Variants in ST18 observed in about 807,000 individuals in gnomAD.
The protein encoded by ST18 is ST18 C2H2C-type zinc finger transcription factor.
Under a neutral mutation model 110.0 loss-of-function variants are expected in ST18, and 50 were observed. That is an observed-to-expected ratio of 0.45 (90% CI 0.36 to 0.58). The LOEUF is 0.58. Ranked by LOEUF, ST18 falls within the 20% of genes least tolerant of loss-of-function variation. ST18 has a pLI of 0.00. For synonymous variants in ST18, 461 were observed against 452.4 expected, an observed-to-expected ratio of 1.02 and a Z score of -0.24; for missense variants, 1,306 against 1,280.1, an observed-to-expected ratio of 1.02 and a Z score of -0.31.
rs779696915 is a variant in ST18 at position 52,166,934 on chromosome 8, A to G, written c.1122T>C (p.Asp374=). ...AGAGCCCTGTCACGTGTCCCGTGCC[A>G]TCACATCCAGGGATCGGGCACTTGG... ...RETKCPIPGC[D]GTGHVTGLYP... The change falls in exon 11 of 26, where the codon GAT becomes GAC. Residue 374 remains aspartate (D), a synonymous_variant. Coordinates refer to ENST00000689386, the MANE Select transcript of ST18 (RefSeq NM_001352837.2). The G allele has an allele frequency of 6.2e-7, 1 of 1,612,684 alleles. No individual in the cohort carries two copies. The highest frequency in any genetic ancestry group is 8.5e-7 in the Non-Finnish European group (1 of 1,178,866).
intron 2 of ST18, among the ~76,000 whole-genome samples, chr8:52,381,919 A>G (rs1834653516): frequency 6.6e-6 from 1 of 151,990 alleles, no homozygotes; most frequent in Non-Finnish European, 1.5e-5. Flanking sequence ...AATTTAAAAG[A>G]ATACAATAAT....
At chr8:52,178,647 C>CAAAAAAAAAAAAA (rs2068028796) in intron 9 of ST18, among the ~76,000 whole-genome samples, 1 of 70,614 alleles carries the variant, frequency 1.4e-5, no homozygotes, top group African/African-American at 5.9e-5. Flanking sequence ...AAAAAAACCA[C>CAAAAAAAAAAAAA]CAAAAACCAA....
intron 2 of ST18, chr8:52,406,332 C>G (rs939625375): frequency 6.6e-6 from 1 of 152,294 alleles, no homozygotes; most frequent in Admixed American, 6.5e-5. Flanking sequence ...AAGACTCCAA[C>G]CATTGCTTCC....
chr8:52,367,234 T>TCACACACACACACACACACACACACACA (rs1491543543), intron 2 of ST18, among the ~76,000 whole-genome samples: 50 of 104,526 alleles, frequency 4.8e-4, no homozygotes, highest in Non-Finnish European at 6.5e-4. Flanking sequence ...CGGGACCCTG[T>TCACACACACACACACACACACACACACA]CTCACACACA....
At chr8:52,406,661 T>C (rs955005027) in intron 2 of ST18, 1 of 152,244 alleles carries the variant, frequency 6.6e-6, no homozygotes, top group Non-Finnish European at 1.5e-5. Flanking sequence ...GATCCTTTTG[T>C]GAAATCCATT....
chr8:52,148,070 G>A (rs1444954182), intron 16 of ST18, among the ~76,000 whole-genome samples: 17 of 151,926 alleles, frequency 1.1e-4, no homozygotes, highest in Non-Finnish European at 1.5e-5. Flanking sequence ...TTTGGCACAA[G>A]CCTGAGGTGG....
intron 2 of ST18, among the ~76,000 whole-genome samples, chr8:52,331,632 CTGAA>C (rs1432537774): frequency 3.9e-5 from 6 of 152,146 alleles, no homozygotes. Context: ...AATGTAATGA[CTGAA>C]TGAATGAATA....
intron 2 of ST18, among the ~76,000 whole-genome samples, chr8:52,332,386 GTTTCT>G (rs1195372016): frequency 1.3e-5 from 2 of 152,014 alleles, no homozygotes; most frequent in Non-Finnish European, 2.9e-5. Flanking sequence ...CTTGCTCAGT[GTTTCT>G]TTACACATTG....
chr8:52,117,958 G>T (rs1272009146), intron 24 of ST18, among the ~76,000 whole-genome samples: 4 of 152,164 alleles, frequency 2.6e-5, no homozygotes, highest in Non-Finnish European at 5.9e-5. Context: ...ATTCAGAGGT[G>T]TTCCAAAAAC....
intron 22 of ST18, among the ~76,000 whole-genome samples, chr8:52,130,060 GAA>G (rs1373878285): frequency 2.3e-4 from 30 of 129,780 alleles, no homozygotes; most frequent in African/African-American, 7.9e-4. Context: ...AAGAAAGAAA[GAA>G]AGAGAGAGAG....
At chr8:52,250,445 CAAAAAAAAAA>C (rs1159770176) in intron 2 of ST18, among the ~76,000 whole-genome samples, 7 of 4,272 alleles carry the variant, frequency 1.6e-3, no homozygotes, top group Non-Finnish European at 8.4e-4. Flanking sequence ...GCCTCAAAGG[CAAAAAAAAAA>C]AAAAAAAAAA....
chr8:52,304,076 T>C (rs2095774082), intron 2 of ST18, among the ~76,000 whole-genome samples: 1 of 152,230 alleles, frequency 6.6e-6, no homozygotes, highest in Non-Finnish European at 1.5e-5. Context: ...ATGCATGTCT[T>C]CTGTAAGCCT....
intron 2 of ST18, among the ~76,000 whole-genome samples, chr8:52,328,269 G>T (rs1016946281): frequency 7.2e-5 from 11 of 152,162 alleles, no homozygotes; most frequent in African/African-American, 2.7e-4. Context: ...ACCAGAATGA[G>T]AACTTATTAA....
rs556418733 is a variant in ST18, at chr8:52,239,914, C to T, written c.-464-9837G>A. 3.3e-5 allele frequency among the ~76,000 whole-genome samples: 5 copies of T among 152,242 alleles called. No individual in the cohort carries two copies. In the East Asian group the frequency reaches 7.8e-4, roughly 24 times the overall value. On this transcript the variant is annotated intron_variant, in intron 2 of 25. Transcript: ENST00000689386. ...GCTCAAGCAATCCTCCCACCTCAGC[C>T]TCCTGAGTAGCTGGGACCACAAGCA...
chr8:52,125,626 G>A (rs938492889), intron 23 of ST18, among the ~76,000 whole-genome samples: 1 of 151,752 alleles, frequency 6.6e-6, no homozygotes, highest in Admixed American at 6.6e-5. Context: ...AGAGTAACTG[G>A]GACTACAGGT....
intron 2 of ST18, among the ~76,000 whole-genome samples, chr8:52,284,360 T>G (rs1283203826): frequency 6.6e-6 from 1 of 152,182 alleles, no homozygotes; most frequent in Non-Finnish European, 1.5e-5. Flanking sequence ...TTGGAAAGAA[T>G]CATCTCTGAC....
intron 17 of ST18, among the ~76,000 whole-genome samples, chr8:52,140,839 C>G (rs1377768544): frequency 6.6e-6 from 1 of 152,058 alleles, no homozygotes; most frequent in Admixed American, 6.5e-5. Flanking sequence ...CAATTTCCAA[C>G]AATCTACCTT....
At chr8:52,150,587 G>A (rs944786528) in intron 15 of ST18, among the ~76,000 whole-genome samples, 21 of 152,214 alleles carry the variant, frequency 1.4e-4, no homozygotes, top group African/African-American at 5.1e-4. Flanking sequence ...CAGGGAGAGG[G>A]AGGCAGGGAG....
intron 2 of ST18, among the ~76,000 whole-genome samples, chr8:52,238,075 G>A (rs1284716804): frequency 4.6e-5 from 7 of 152,188 alleles, no homozygotes; most frequent in African/African-American, 1.7e-4. Flanking sequence ...AAGTGTCGAT[G>A]AGGATGTGAA....
Sources: gnomAD v4.1 joint callset for allele counts (sites outside exome capture counted in the v4.1 genomes callset) on GRCh38, gnomAD v4.1.1 for gene constraint, MANE v1.5 for transcripts, NCBI Gene and HGNC (gene_info 2026-07-23, HGNC 2026-07-21) for gene names.